COMMD9: variants seen among roughly 807,000 people sequenced by gnomAD.
The protein encoded by COMMD9 is COMM domain containing 9, also known as COMM domain-containing protein 9.
COMMD9 carries 22 observed loss-of-function variants against 23.4 expected under a neutral mutation model. The ratio of observed to expected loss-of-function variants is 0.94; its 90% CI spans 0.67 to 1.34. The LOEUF is 1.34. COMMD9 is among the 40% of genes most tolerant of loss of function. COMMD9 has a pLI of 0.00. For synonymous variants in COMMD9, 99 were observed against 97.4 expected (o/e 1.02, Z -0.10); for missense variants, 231 against 240.2 (o/e 0.96, Z 0.25).
intron 1 of COMMD9, among the ~76,000 whole-genome samples, chr11:36,287,129 T>C (rs549128664): frequency 5.4e-5 from 5 of 92,096 alleles, no homozygotes; most frequent in African/African-American, 2.1e-4. Flanking sequence ...CTACATACTA[T>C]GTATATCGCG....
intron 1 of COMMD9, among the ~76,000 whole-genome samples, chr11:36,284,193 A>T (rs977554498): frequency 6.6e-6 from 1 of 152,234 alleles, no homozygotes; most frequent in African/African-American, 2.4e-5. Flanking sequence ...AAAAGAATGA[A>T]AAAAGATATA....
In COMMD9 at chr11:36,277,114, C is replaced by T; in HGVS notation, c.327G>A (p.Trp109Ter). Residue 109 changes from tryptophan (W) to a stop codon, truncating the protein, a stop_gained, in exon 4 of 6, where the codon TGG (tryptophan) becomes TGA (stop). Transcript: ENST00000263401. LOFTEE classifies it high-confidence loss of function. ...TCTGATTTGCCTGGGCTTCGGTTCT[C>T]CAAGTAGACCTGTTTAAGAGGGAAA... Reference protein sequence around the residue: ...TKIILEHVSTWRTEAQANQIS... With the variant: ...TKIILEHVST The T allele has an allele frequency of 6.2e-7, 1 of 1,601,344 alleles. No individual in the cohort carries two copies.
chr11:36,286,452 A>G (rs1242932447), intron 1 of COMMD9, among the ~76,000 whole-genome samples: 1 of 143,788 alleles, frequency 7.0e-6, no homozygotes, highest in Non-Finnish European at 1.5e-5. Context: ...AAAAAAAATC[A>G]GCCTGGAGGG....
chr11:36,283,688 T>A (rs1856102668), intron 1 of COMMD9, among the ~76,000 whole-genome samples: 1 of 152,014 alleles, frequency 6.6e-6, no homozygotes, highest in South Asian at 2.1e-4. Flanking sequence ...AAAACAAAAA[T>A]AAAACAGTAG....
At chr11:36,287,877 C>T (rs1266697818) in intron 1 of COMMD9, among the ~76,000 whole-genome samples, 3 of 152,036 alleles carry the variant, frequency 2.0e-5, no homozygotes, top group Non-Finnish European at 2.9e-5. Flanking sequence ...CATTTTTTGA[C>T]TTTGGTGGTG....
chr11:36,282,364 C>T (rs926277830), intron 1 of COMMD9, among the ~76,000 whole-genome samples: 4 of 151,504 alleles, frequency 2.6e-5, no homozygotes, highest in African/African-American at 9.7e-5. Flanking sequence ...AATTGAACTT[C>T]GAAAATGAAA....
chr11:36,287,996 A>C (rs1008922970), intron 1 of COMMD9, among the ~76,000 whole-genome samples: 1 of 152,188 alleles, frequency 6.6e-6, no homozygotes, highest in African/African-American at 2.4e-5. Context: ...AAAAGAGTGC[A>C]TAAGACCAAC....
intron 4 of COMMD9, chr11:36,276,474 T>C (rs1444227461): frequency 6.5e-6 from 3 of 462,054 alleles, no homozygotes; most frequent in Non-Finnish European, 1.2e-5. Context: ...TCCAGGCTTC[T>C]ACCTGAACAC....
At chr11:36,276,353 C>T in intron 4 of COMMD9, 113 bp from the exon 5 acceptor site, 1 of 701,116 alleles carries the variant, frequency 1.4e-6, no homozygotes, top group African/African-American at 1.8e-5. Flanking sequence ...GTCTATGCAG[C>T]AAGTCTCTGA....
intron 2 of COMMD9, among the ~76,000 whole-genome samples, chr11:36,280,363 C>A (rs1241037861): frequency 6.6e-6 from 1 of 152,198 alleles, no homozygotes; most frequent in Non-Finnish European, 1.5e-5. Context: ...GCAGTGCCTA[C>A]TCCTGAATCT....
In COMMD9 at chr11:36,280,130, T is replaced by C. The variant is rs534003939; in HGVS notation, c.177+582A>G. Among the ~76,000 whole-genome samples, 21 of 152,252 alleles carry C rather than the reference T, an allele frequency of 1.4e-4. No individual in the cohort carries two copies. In the South Asian group the frequency reaches 3.5e-3, roughly 26 times the overall value. On this transcript the variant is annotated intron_variant, in intron 2 of 5. Transcript: ENST00000263401. Reference sequence around the variant, plus strand: ...CAAAAATAAAAAAAATCCAAAAACATAGGCCCATTTAGATGAAGAAAGTGC... The same window carrying C: ...CAAAAATAAAAAAAATCCAAAAACACAGGCCCATTTAGATGAAGAAAGTGC...
Position 36,289,356 on chromosome 11 carries a change from ACTTAC to A in COMMD9, c.51+1_51+5del. 1 of 1,551,332 alleles carries A rather than the reference ACTTAC, an allele frequency of 6.4e-7. No individual in the cohort carries two copies. The highest frequency in any genetic ancestry group is 1.2e-5 in the South Asian group (1 of 84,026). On this transcript the variant is annotated splice_donor_variant and splice_donor_5th_base_variant and intron_variant, in intron 1 of 5. Coordinates refer to ENST00000263401, the MANE Select transcript of COMMD9 (RefSeq NM_014186.4). LOFTEE classifies it high-confidence loss of function. ...ACCTCACGCTGTCCCCACCCCTTCG[ACTTAC>A]CTTGAGCAGGCTCTGGAGTGCTGCA...
chr11:36,273,533 G>C lies in COMMD9; in HGVS notation c.*1099C>G, dbSNP rs1403780130. ...GTCCTTCTCTGTCACCCAGACTGGA[G>C]TGCAGTGGCACGATCTCGGCTCACT... is the stretch of plus-strand genomic sequence containing the variant. On this transcript the variant is annotated 3_prime_UTR_variant, in exon 6 of 6. Transcript: ENST00000263401. 6.6e-6 allele frequency: 1 copy of C among 152,242 alleles called. No homozygotes were observed. The highest frequency in any genetic ancestry group is 2.4e-5 in the African/African-American group (1 of 41,428). The allele number at this position is 152,242 out of a possible 1,614,324, so 9.4% of individuals were successfully genotyped here. A position where few individuals can be genotyped will look rare whatever the true frequency, so the allele number is the denominator to read the frequency against.
chr11:36,283,379 G>A (rs561134551), intron 1 of COMMD9, among the ~76,000 whole-genome samples: 1 of 152,284 alleles, frequency 6.6e-6, no homozygotes, highest in East Asian at 1.9e-4. Context: ...TATATCTGAT[G>A]TGGCTCTAAA....
intron 1 of COMMD9, among the ~76,000 whole-genome samples, chr11:36,281,972 T>C (rs1368091768): frequency 6.6e-6 from 1 of 151,818 alleles, no homozygotes; most frequent in Non-Finnish European, 1.5e-5. Context: ...AACAACAAAA[T>C]GGAAATTTTA....
In COMMD9 at chr11:36,274,539, T is replaced by A; in HGVS notation, c.*93A>T. 6.6e-7 allele frequency: 1 copy of A among 1,512,908 alleles called. No homozygotes were observed. The highest frequency in any genetic ancestry group is 1.2e-5 in the South Asian group (1 of 84,852). 93.7% of individuals were successfully genotyped at this position (1,512,908 alleles called of 1,614,324 possible). A position where few individuals can be genotyped will look rare whatever the true frequency, so the allele number is the denominator to read the frequency against. ...GCTGTCCCCACCATCCTGCCTGTTG[T>A]CAGCTGCAGCTGCAAGGGCAGCCTG... On this transcript the variant is annotated 3_prime_UTR_variant, in exon 6 of 6. Transcript: ENST00000263401.
At chr11:36,281,959 C>A (rs79742365) in intron 1 of COMMD9, among the ~76,000 whole-genome samples, 10,811 of 151,958 alleles carry the variant, frequency 0.071, 436 homozygotes, top group South Asian at 0.1. Flanking sequence ...AGAAGATATA[C>A]AGAACAACAA....
At chr11:36,280,621 G>T (rs1363672761) in intron 2 of COMMD9, 91 bp downstream of exon 2, 2 of 1,312,780 alleles carry the variant, frequency 1.5e-6, no homozygotes, top group Non-Finnish European at 2.1e-6. Flanking sequence ...ATGTTTCAAG[G>T]GATTTTCCTT....
At chr11:36,278,717 C>A in intron 2 of COMMD9, 101 bp from the exon 3 acceptor site, 2 of 1,134,510 alleles carry the variant, frequency 1.8e-6, no homozygotes, top group Non-Finnish European at 2.5e-6. Flanking sequence ...AGGCTGCACA[C>A]TGCTATGGTC....
Sources: allele counts gnomAD v4.1 joint callset (sites outside exome capture counted in the v4.1 genomes callset), GRCh38; gene constraint gnomAD v4.1.1; transcripts MANE v1.5; gene names NCBI Gene and HGNC (gene_info 2026-07-23, HGNC 2026-07-21).